Variants in DTWD1 observed in about 807,000 individuals in gnomAD.
DTWD1 encodes tRNA-uridine aminocarboxypropyltransferase 1.
DTWD1 carries 27 observed loss-of-function variants against 30.2 expected under a neutral mutation model. The observed-to-expected ratio is 0.90, with a 90% CI of 0.66 to 1.23. DTWD1 has a LOEUF of 1.23. Among genes scored for constraint, DTWD1 ranks in the 50% most tolerant of loss-of-function variants. DTWD1 has a pLI of 0.00. For missense variants in DTWD1, 342 were observed against 348.8 expected (o/e 0.98, Z 0.15); for synonymous variants, 99 against 113.1 (o/e 0.88, Z 0.79).
At chr15:49,635,596 G>A (rs1463213823) in intron 4 of DTWD1, among the ~76,000 whole-genome samples, 1 of 151,944 alleles carries the variant, frequency 6.6e-6, no homozygotes, top group Non-Finnish European at 1.5e-5. Context: ...GGGGTCAGGC[G>A]ATTCTCCTGC....
At chr15:49,624,645 C>T (rs1252863984) in intron 1 of DTWD1, among the ~76,000 whole-genome samples, 3 of 152,054 alleles carry the variant, frequency 2.0e-5, no homozygotes, top group African/African-American at 4.8e-5. Flanking sequence ...TATGTATATG[C>T]ACACATGTAC....
intron 1 of DTWD1, among the ~76,000 whole-genome samples, chr15:49,624,020 G>A (rs1422585619): frequency 6.7e-6 from 1 of 149,480 alleles, no homozygotes; most frequent in Non-Finnish European, 1.5e-5. Flanking sequence ...CTCTTTATTT[G>A]TATCTCAAAC....
chr15:49,629,149 A>G (rs189327448), intron 2 of DTWD1, among the ~76,000 whole-genome samples: 11 of 152,310 alleles, frequency 7.2e-5, no homozygotes, highest in Non-Finnish European at 1.6e-4. Context: ...GTCATTATTT[A>G]AGAAATAATC....
chr15:49,625,609 A>G lies in DTWD1; in HGVS notation c.264+178A>G, dbSNP rs2078832294. ...GAAAATTTCTCAGCAGGGCACATTT[A>G]CTTCTGCAGAAGGGTGCTGCGCCTG... On this transcript the variant is annotated intron_variant, in intron 2 of 4. Coordinates refer to ENST00000403028, the MANE Select transcript of DTWD1 (RefSeq NM_001144955.2). 7.7e-6 allele frequency: 5 copies of G among 651,492 alleles called. No individual in the cohort carries two copies. The South Asian group carries it at 1.0e-4, about 14-fold the overall frequency. 40.4% of individuals were successfully genotyped at this position (651,492 alleles called of 1,614,324 possible).
In DTWD1 at chr15:49,655,803, G is replaced by A. The variant is rs1337726082; in HGVS notation, c.*12225G>A. 2 of 152,014 alleles carry A rather than the reference G, an allele frequency of 1.3e-5. No homozygotes were observed. The highest frequency in any genetic ancestry group is 4.8e-5 in the African/African-American group (2 of 41,412). 9.4% of individuals were successfully genotyped at this position (152,014 alleles called of 1,614,324 possible). ...TGTGGAAATTACTTTGCTGGCTGAA[G>A]TTGGGAATAGAAAACAGTAGAGAAT... On this transcript the variant is annotated 3_prime_UTR_variant, in exon 5 of 5. Transcript: ENST00000403028.
rs1384545932 is a variant in DTWD1, at chr15:49,656,045, A to G, written c.*12467A>G. The G allele has an allele frequency of 1.3e-5, 2 of 151,942 alleles. No individual in the cohort carries two copies. The highest frequency in any genetic ancestry group is 6.6e-5 in the Admixed American group (1 of 15,242). 9.4% of individuals were successfully genotyped at this position (151,942 alleles called of 1,614,324 possible). On this transcript the variant is annotated 3_prime_UTR_variant, in exon 5 of 5. Coordinates refer to ENST00000403028, the MANE Select transcript of DTWD1 (RefSeq NM_001144955.2). The stretch of plus-strand genomic sequence containing the variant: ...TACAGTACAATTACAACAAGCATCA[A>G]TGAATATTTAATGAGCAGCTGTTAA...
chr15:49,642,819 TG>T (rs1443313652), intron 4 of DTWD1, among the ~76,000 whole-genome samples: 1 of 152,038 alleles, frequency 6.6e-6, no homozygotes, highest in African/African-American at 2.4e-5. Flanking sequence ...CCCAGCTATT[TG>T]GGAGGCTGAG....
At chr15:49,639,516 C>G (rs1470497865) in intron 4 of DTWD1, among the ~76,000 whole-genome samples, 1 of 152,130 alleles carries the variant, frequency 6.6e-6, no homozygotes, top group Non-Finnish European at 1.5e-5. Context: ...GAGCTATGCT[C>G]ATGCCACTGA....
At chr15:49,638,726 T>G (rs1289196836) in intron 4 of DTWD1, among the ~76,000 whole-genome samples, 2 of 152,190 alleles carry the variant, frequency 1.3e-5, no homozygotes, top group African/African-American at 4.8e-5. Context: ...ATGCTGAGGT[T>G]AAGAATCCCT....
chr15:49,638,015 TAGAA>T (rs1444277813), intron 4 of DTWD1, among the ~76,000 whole-genome samples: 6 of 152,294 alleles, frequency 3.9e-5, no homozygotes, highest in Non-Finnish European at 8.8e-5. Flanking sequence ...CGATGTTTGA[TAGAA>T]AGACAAACGC....
chr15:49,655,715 G>T lies in DTWD1; in HGVS notation c.*12137G>T, dbSNP rs1430976021. 6.6e-6 allele frequency: 1 copy of T among 151,928 alleles called. No individual in the cohort carries two copies. The allele number at this position is 151,928 out of a possible 1,614,324, so 9.4% of individuals were successfully genotyped here. A position where few individuals can be genotyped will look rare whatever the true frequency, so the allele number is the denominator to read the frequency against. ...CAGCCTTTGATTTTATTATCACTCT[G>T]GGACCACGTTTTACTGTTGGCACGT... On this transcript the variant is annotated 3_prime_UTR_variant, in exon 5 of 5. Transcript: ENST00000403028.
chr15:49,628,881 C>A (rs545770588), intron 2 of DTWD1, among the ~76,000 whole-genome samples: 6 of 151,900 alleles, frequency 3.9e-5, no homozygotes, highest in Non-Finnish European at 8.8e-5. Flanking sequence ...TTCTTGGATA[C>A]ATGTGCAGAA....
At position 49,651,714 on chromosome 15, in the gene DTWD1, G is replaced by C. The variant is rs748525841; in HGVS notation, c.*8136G>C. 10 of 152,108 alleles carry C rather than the reference G, an allele frequency of 6.6e-5. No homozygotes were observed. Among genetic ancestry groups the C allele is most frequent in the Non-Finnish European group, 1.3e-4 (9 of 68,022 alleles). The allele number at this position is 152,108 out of a possible 1,614,324, so 9.4% of individuals were successfully genotyped here. A position where few individuals can be genotyped will look rare whatever the true frequency, so the allele number is the denominator to read the frequency against. ...AGATAGGAGTTTGCTTTTCCTCTTT[G>C]CAGAGCCTCAGTCAGTATCACCATT... is the stretch of plus-strand genomic sequence containing the variant. On this transcript the variant is annotated 3_prime_UTR_variant, in exon 5 of 5. Coordinates refer to ENST00000403028, the MANE Select transcript of DTWD1 (RefSeq NM_001144955.2).
rs2153354939 is a variant in DTWD1, at chr15:49,651,783, TATATC to T, written c.*8212_*8216del. 1 of 152,226 alleles carries T rather than the reference TATATC, an allele frequency of 6.6e-6. No individual in the cohort carries two copies. Among genetic ancestry groups the T allele is most frequent in the Admixed American group, 6.5e-5 (1 of 15,278 alleles). 9.4% of individuals were successfully genotyped at this position (152,226 alleles called of 1,614,324 possible). A position where few individuals can be genotyped will look rare whatever the true frequency, so the allele number is the denominator to read the frequency against. Reference sequence around the variant, plus strand: ...TATTGACCAGCATGCGATCTCACATTATATCATATCAGATCCGGAAACCTATTTTA... The same window carrying T: ...TATTGACCAGCATGCGATCTCACATTATATCAGATCCGGAAACCTATTTTA... On this transcript the variant is annotated 3_prime_UTR_variant, in exon 5 of 5. Transcript: ENST00000403028.
rs567467972 is a variant in DTWD1 at position 49,632,213 on chromosome 15, A to G, written c.319A>G (p.Thr107Ala). The change falls in exon 3 of 5, where the codon ACT (threonine) becomes GCT (alanine). Residue 107 changes from threonine to alanine, a missense_variant. Thr to Ala is a moderately conservative substitution (Grantham distance 58). Transcript: ENST00000403028. ...KHPNETDGKS[T>A]AIHAKLLAPE... The stretch of plus-strand genomic sequence containing the variant: ...TCCAAATGAAACAGATGGCAAAAGT[A>G]CTGCTATACATGCAAAACTCTTAGC... 1.3e-6 allele frequency: 2 copies of G among 1,598,506 alleles called. No homozygotes were observed. The highest frequency in any genetic ancestry group is 4.5e-5 in the East Asian group (2 of 44,224).
chr15:49,636,337 G>A (rs79183380), intron 4 of DTWD1, among the ~76,000 whole-genome samples: 53 of 141,844 alleles, frequency 3.7e-4, no homozygotes, highest in Admixed American at 5.6e-4. Flanking sequence ...AAAAAAAAAA[G>A]GATGTTCTCC....
In DTWD1 at chr15:49,646,948, G is replaced by A. The variant is rs1459280561; in HGVS notation, c.*3370G>A. The A allele has an allele frequency of 6.6e-6, 1 of 152,112 alleles. No individual in the cohort carries two copies. Among genetic ancestry groups the A allele is most frequent in the Non-Finnish European group, 1.5e-5 (1 of 68,014 alleles). The allele number at this position is 152,112 out of a possible 1,614,324, so 9.4% of individuals were successfully genotyped here. A position where few individuals can be genotyped will look rare whatever the true frequency, so the allele number is the denominator to read the frequency against. On this transcript the variant is annotated 3_prime_UTR_variant, in exon 5 of 5. Transcript: ENST00000403028. ...TAGTCTGGATTTAGTTAGAAAAGCA[G>A]CATCGTTACAAGTATTACATGAATA...
At chr15:49,622,241 G>A (rs2078750598) in intron 1 of DTWD1, among the ~76,000 whole-genome samples, 2 of 152,204 alleles carry the variant, frequency 1.3e-5, no homozygotes, top group Admixed American at 6.5e-5. Flanking sequence ...GAATGCTGGA[G>A]GGGATAGATT....
chr15:49,624,770 G>A (rs1367735428), intron 1 of DTWD1, among the ~76,000 whole-genome samples: 1 of 152,096 alleles, frequency 6.6e-6, no homozygotes, highest in Non-Finnish European at 1.5e-5. Flanking sequence ...TTTCATTAAT[G>A]TCAATTCAAA....
Sources: gnomAD v4.1 joint callset for allele counts (sites outside exome capture counted in the v4.1 genomes callset) on GRCh38, gnomAD v4.1.1 for gene constraint, MANE v1.5 for transcripts, NCBI Gene and HGNC (gene_info 2026-07-23, HGNC 2026-07-21) for gene names.